The following ULK2 variants were observed in gnomAD, a reference collection of about 807,000 sequenced individuals.
ULK2 encodes the protein unc-51 like autophagy activating kinase 2, also known as serine/threonine-protein kinase ULK2.
ULK2 carries 76 observed loss-of-function variants against 127.5 expected under a neutral mutation model. The ratio of observed to expected loss-of-function variants is 0.60; its 90% CI spans 0.50 to 0.72. The LOEUF (loss-of-function observed/expected upper bound fraction) is 0.72. ULK2 is among the 30% of genes least tolerant of loss of function. The pLI is 0.00. For missense variants in ULK2, 1,144 were observed against 1,295.9 expected, an observed-to-expected ratio of 0.88 and a Z score of 1.80; for synonymous variants, 452 against 461.9, an observed-to-expected ratio of 0.98 and a Z score of 0.28.
At chr17:19,852,888 G>A (rs1405429650) in intron 3 of ULK2, among the ~76,000 whole-genome samples, 1 of 151,904 alleles carries the variant, frequency 6.6e-6, no homozygotes, top group Non-Finnish European at 1.5e-5. Context: ...CTGACCTCGT[G>A]ATCCGCCCAC....
At chr17:19,810,511 G>T in intron 13 of ULK2, 73 bp from the exon 14 acceptor site, 2 of 911,248 alleles carry the variant, frequency 2.2e-6, no homozygotes, top group South Asian at 1.7e-5. Flanking sequence ...GTTCCAAAAT[G>T]ATTATTAGGA....
chr17:19,795,209 A>C (rs1032440238), intron 20 of ULK2, among the ~76,000 whole-genome samples: 2 of 152,088 alleles, frequency 1.3e-5, no homozygotes, highest in Non-Finnish European at 2.9e-5. Flanking sequence ...GGTCATGAAC[A>C]TACAGTCTCT....
intron 7 of ULK2, 94 bp downstream of exon 7, chr17:19,845,210 A>C: frequency 8.9e-7 from 1 of 1,119,982 alleles, no homozygotes; most frequent in African/African-American, 1.6e-5. Flanking sequence ...ACTATATGTA[A>C]AATCACATCT....
chr17:19,782,223 T>C (rs1288515795), intron 22 of ULK2, among the ~76,000 whole-genome samples, 156 bp from the exon 23 acceptor site: 1 of 152,166 alleles, frequency 6.6e-6, no homozygotes, highest in African/African-American at 2.4e-5. Flanking sequence ...AGAAAGCTGG[T>C]AAGAAAATGA....
At chr17:19,847,372 T>G (rs962910949) in intron 5 of ULK2, among the ~76,000 whole-genome samples, 2 of 152,210 alleles carry the variant, frequency 1.3e-5, no homozygotes, top group East Asian at 3.8e-4. Flanking sequence ...CAGATACTAC[T>G]GCTACCCGTG....
chr17:19,867,177 AAAAC>A (rs1267530229), intron 1 of ULK2, 147 bp downstream of exon 1: 1 of 599,066 alleles, frequency 1.7e-6, no homozygotes, highest in South Asian at 2.5e-5. Context: ...TCACAGGACC[AAAAC>A]AAACGGCGAG....
chr17:19,848,739 T>C (rs1251224341), intron 5 of ULK2, among the ~76,000 whole-genome samples: 1 of 151,350 alleles, frequency 6.6e-6, no homozygotes, highest in Non-Finnish European at 1.5e-5. Flanking sequence ...AATGCACCAC[T>C]GCACTGCAGC....
At position 19,825,106 on chromosome 17, in the gene ULK2, A is replaced by G. The variant is rs141959764; in HGVS notation, c.912T>C (p.Phe304=). The part of the protein sequence containing the change: ...SSCGSSPSCR[F]ASPPSLPDMQ... ...AACTGTAACTTACTGGTGGAGAAGC[A>G]AAACGACAAGATGGAGAGCTGCCAC... The change falls in exon 12 of 27, where the codon TTT becomes TTC. Residue 304 remains phenylalanine, a synonymous_variant. Coordinates refer to ENST00000395544, the MANE Select transcript of ULK2 (RefSeq NM_014683.4). 1 of 1,614,170 alleles carries G rather than the reference A, an allele frequency of 6.2e-7. No individual in the cohort carries two copies. Among genetic ancestry groups the G allele is most frequent in the Admixed American group, 1.7e-5 (1 of 60,006 alleles).
intron 3 of ULK2, among the ~76,000 whole-genome samples, chr17:19,863,502 T>TG (rs1484773585): frequency 1.3e-5 from 2 of 150,962 alleles, no homozygotes; most frequent in African/African-American, 2.4e-5. Flanking sequence ...TCTAGTTTTT[T>TG]TTTTTTTTTT....
intron 12 of ULK2, among the ~76,000 whole-genome samples, chr17:19,823,101 C>T (rs940986808): frequency 1.4e-5 from 2 of 146,194 alleles, no homozygotes; most frequent in South Asian, 2.1e-4. Flanking sequence ...GCTGAGTCTA[C>T]AGTCATGCCC....
intron 15 of ULK2, among the ~76,000 whole-genome samples, chr17:19,803,960 C>T (rs2087455788): frequency 6.6e-6 from 1 of 152,192 alleles, no homozygotes; most frequent in African/African-American, 2.4e-5. Flanking sequence ...CACAGTGATT[C>T]TCCTTATGTC....
chr17:19,795,575 A>G (rs1218046064), intron 20 of ULK2, 47 bp downstream of exon 20: 5 of 1,474,914 alleles, frequency 3.4e-6, no homozygotes, highest in Non-Finnish European at 4.7e-6. Context: ...AAACAAATGC[A>G]TATGCTAGCA....
chr17:19,860,562 T>A (rs914945037), intron 3 of ULK2, among the ~76,000 whole-genome samples: 2 of 151,584 alleles, frequency 1.3e-5, no homozygotes, highest in African/African-American at 4.9e-5. Context: ...TTCCCTCTTG[T>A]TGCCCAGGCT....
intron 3 of ULK2, among the ~76,000 whole-genome samples, chr17:19,863,410 GA>G (rs1348604068): frequency 6.6e-6 from 1 of 151,314 alleles, no homozygotes; most frequent in African/African-American, 2.4e-5. Context: ...TGACAGTGGA[GA>G]AAAAACCAGA....
At chr17:19,785,559 C>T (rs1307849501) in intron 21 of ULK2, among the ~76,000 whole-genome samples, 1 of 151,438 alleles carries the variant, frequency 6.6e-6, no homozygotes, top group African/African-American at 2.4e-5. Flanking sequence ...AAAAACCAAA[C>T]CTATAATTTT....
intron 20 of ULK2, among the ~76,000 whole-genome samples, chr17:19,790,137 C>A (rs181663546): frequency 1.3e-3 from 204 of 152,178 alleles, no homozygotes; most frequent in Non-Finnish European, 2.6e-3. Flanking sequence ...ATGGATAGGG[C>A]CGGGAGTGGT....
chr17:19,780,369 G>C, intron 25 of ULK2, 103 bp downstream of exon 25: 1 of 1,105,840 alleles, frequency 9.0e-7, no homozygotes, highest in Non-Finnish European at 1.2e-6. Flanking sequence ...CTTGGGACTT[G>C]AGACATTATC....
At chr17:19,857,863 C>T (rs1428241144) in intron 3 of ULK2, among the ~76,000 whole-genome samples, 1 of 152,096 alleles carries the variant, frequency 6.6e-6, no homozygotes, top group Non-Finnish European at 1.5e-5. Context: ...ACACACTAGC[C>T]TTCTTCCAGT....
intron 3 of ULK2, among the ~76,000 whole-genome samples, chr17:19,851,675 T>C (rs950226281): frequency 6.6e-6 from 1 of 151,642 alleles, no homozygotes; most frequent in African/African-American, 2.4e-5. Context: ...TAAAAAAGTC[T>C]TGAAGGACAC....
Sources: gnomAD v4.1 joint callset for allele counts (sites outside exome capture counted in the v4.1 genomes callset) on GRCh38, gnomAD v4.1.1 for gene constraint, MANE v1.5 for transcripts, NCBI Gene and HGNC (gene_info 2026-07-23, HGNC 2026-07-21) for gene names.